Variants in AHRR observed in about 807,000 individuals in gnomAD.
AHRR encodes ahR repressor.
Under a neutral mutation model 44.0 loss-of-function variants are expected in AHRR, and 28 were observed. The observed-to-expected ratio is 0.64, with a 90% CI of 0.47 to 0.87. The LOEUF (loss-of-function observed/expected upper bound fraction) is 0.87. AHRR is among the 40% of genes least tolerant of loss of function. The pLI, the probability that AHRR is intolerant of heterozygous loss-of-function variation, is 0.00. For missense variants in AHRR, 990 were observed against 953.9 expected, an observed-to-expected ratio of 1.04 and a Z score of -0.50; for synonymous variants, 434 against 407.0, an observed-to-expected ratio of 1.07 and a Z score of -0.80.
intron 7 of AHRR, among the ~76,000 whole-genome samples, chr5:426,802 A>G (rs1313445610): frequency 1.4e-5 from 2 of 146,454 alleles, no homozygotes; most frequent in Non-Finnish European, 3.0e-5. Flanking sequence ...AGATGGATGG[A>G]TGGATGGATA....
At chr5:362,994 C>T (rs1341150213) in intron 3 of AHRR, among the ~76,000 whole-genome samples, 1 of 152,254 alleles carries the variant, frequency 6.6e-6, no homozygotes, top group African/African-American at 2.4e-5. Context: ...CTAGGTAATT[C>T]AGTGTCTTCC....
intron 1 of AHRR, among the ~76,000 whole-genome samples, chr5:341,485 TTCCCC>T (rs376214734): frequency 5.4e-4 from 75 of 138,222 alleles, no homozygotes; most frequent in Non-Finnish European, 9.7e-4. Context: ...ATCACTTTCC[TTCCCC>T]TCCCCTCCCC....
rs930706263 is a variant in AHRR at position 337,659 on chromosome 5, C to G, written c.-10-6234C>G. ...TAATGTTAGGAAGTCTAGATAGCAA[C>G]AGTGATGCAGCTATGGAGGGGAGAG... On this transcript the variant is annotated intron_variant, in intron 1 of 10. Coordinates refer to ENST00000684583, the MANE Select transcript of AHRR (RefSeq NM_001377236.1). The surrounding 1 kb of genome is among the most constrained non-coding windows in gnomAD (Gnocchi z 4.1). Among the ~76,000 whole-genome samples, 1 of 152,114 alleles carries G rather than the reference C, an allele frequency of 6.6e-6. No homozygotes were observed. The highest frequency in any genetic ancestry group is 1.5e-5 in the Non-Finnish European group (1 of 68,012).
rs539120226 is a variant in AHRR, at chr5:428,134, TA to T, written c.908+132del. 259 of 1,094,864 alleles carry T rather than the reference TA, an allele frequency of 2.4e-4. No homozygotes were observed. In the African/African-American group the frequency reaches 3.9e-3, roughly 16 times the overall value. The allele number at this position is 1,094,864 out of a possible 1,614,324, so 67.8% of individuals were successfully genotyped here. A position where few individuals can be genotyped will look rare whatever the true frequency, so the allele number is the denominator to read the frequency against. Reference sequence around the variant, plus strand: ...CCAGTAATAAGTCAGTTTCGTGTCGTAAAAGTCATTACACAACATAGGCAGC... The same window carrying T: ...CCAGTAATAAGTCAGTTTCGTGTCGTAAAGTCATTACACAACATAGGCAGC... On this transcript the variant is annotated intron_variant, in intron 8 of 10. Transcript: ENST00000684583.
At chr5:355,228 T>C (rs531012824) in intron 3 of AHRR, among the ~76,000 whole-genome samples, 215 of 152,288 alleles carry the variant, frequency 1.4e-3, no homozygotes, top group African/African-American at 5.0e-3. Context: ...ATGGCAGCTT[T>C]TCCAGGAGGG....
intron 1 of AHRR, among the ~76,000 whole-genome samples, chr5:335,204 G>A (rs968637822): frequency 3.3e-5 from 5 of 152,196 alleles, no homozygotes; most frequent in African/African-American, 1.2e-4. Context: ...GCTAGTTGTA[G>A]TAGCAGTGTA....
chr5:389,524 G>A lies in AHRR; in HGVS notation c.351+12808G>A, dbSNP rs1052231290. ...GTGCTTCAGATGCTGCTGAACAGTC[G>A]AGGAGCCCTTAGCCACCCAGGTCCC... On this transcript the variant is annotated intron_variant, in intron 4 of 10. Coordinates refer to ENST00000684583, the MANE Select transcript of AHRR (RefSeq NM_001377236.1). Among the ~76,000 whole-genome samples the A allele has an allele frequency of 2.6e-5, 4 of 152,128 alleles. No individual in the cohort carries two copies. The East Asian group carries it at 5.8e-4, about 22-fold the overall frequency.
chr5:415,614 C>CCGAATCTCCCTGGTCTGCT (rs1735745120), intron 5 of AHRR, among the ~76,000 whole-genome samples: 59 of 66,360 alleles, frequency 8.9e-4, no homozygotes, highest in Non-Finnish European at 1.4e-3. Context: ...CCTGGTGGGG[C>CCGAATCTCCCTGGTCTGCT]GGGAGGCCTA....
chr5:333,786 C>T (rs1301876180), intron 1 of AHRR, among the ~76,000 whole-genome samples: 1 of 152,080 alleles, frequency 6.6e-6, no homozygotes, highest in African/African-American at 2.4e-5. Context: ...CATTTGATTC[C>T]TTTCTCTTCG....
At chr5:345,255 T>G (rs1274024353) in intron 2 of AHRR, among the ~76,000 whole-genome samples, 6 of 120,136 alleles carry the variant, frequency 5.0e-5, no homozygotes, top group African/African-American at 2.4e-4. Context: ...GATGTGTGTG[T>G]GGGGAGAGGG....
At position 422,824 on chromosome 5, in the gene AHRR, G is replaced by T. The variant is rs778812527; in HGVS notation, c.537G>T (p.Gln179His). 2 of 1,613,944 alleles carry T rather than the reference G, an allele frequency of 1.2e-6. No individual in the cohort carries two copies. Among genetic ancestry groups the T allele is most frequent in the Non-Finnish European group, 1.7e-6 (2 of 1,179,960 alleles). Residue 179 changes from glutamine (Q) to histidine (H), a missense_variant, in exon 6 of 11, where the codon CAG becomes CAT. Coordinates refer to ENST00000684583, the MANE Select transcript of AHRR (RefSeq NM_001377236.1). ...TCCACTGGGCCATGGACCCTCCCCA[G>T]GTGGTGTTTGGGCAGCCCCCGCCCT... ...RQLHWAMDPPQVVFGQPPPLE... is the reference protein window; with the variant it reads ...RQLHWAMDPPHVVFGQPPPLE...
chr5:339,069 TTAGTTA>T, intron 1 of AHRR, among the ~76,000 whole-genome samples: 1 of 152,198 alleles, frequency 6.6e-6, no homozygotes, highest in Non-Finnish European at 1.5e-5. Flanking sequence ...GTCTCAGTAA[TTAGTTA>T]TAGGTAATTG....
chr5:349,762 T>G (rs907424785), intron 2 of AHRR, among the ~76,000 whole-genome samples: 3 of 152,230 alleles, frequency 2.0e-5, no homozygotes, highest in Non-Finnish European at 4.4e-5. Flanking sequence ...TTGAAGTCTA[T>G]ACTCCTTTTT....
Position 370,614 on chromosome 5 carries a change from AG to A in AHRR, c.245-5992del, listed in dbSNP as rs1173136932. ...CAGCCCCCAGGAAGATGCAGGTGACAGGGGTGGGGTGGACAGCCCATGGGAA... is the reference window on the plus strand; with the variant it reads ...CAGCCCCCAGGAAGATGCAGGTGACAGGGTGGGGTGGACAGCCCATGGGAA... On this transcript the variant is annotated intron_variant, in intron 3 of 10. Transcript: ENST00000684583. This position sits in a 1 kb window ranked among gnomAD's most constrained non-coding sequence, Gnocchi z 4.5. Among the ~76,000 whole-genome samples the A allele has an allele frequency of 6.6e-6, 1 of 151,810 alleles. No individual in the cohort carries two copies. The highest frequency in any genetic ancestry group is 1.5e-5 in the Non-Finnish European group (1 of 67,948).
At chr5:373,023 T>G (rs1284249206) in intron 3 of AHRR, among the ~76,000 whole-genome samples, 1 of 152,186 alleles carries the variant, frequency 6.6e-6, no homozygotes, top group Non-Finnish European at 1.5e-5. Context: ...GGTGCTGACT[T>G]CACATTCTCG....
At chr5:423,289 A>C (rs1437727312) in intron 6 of AHRR, among the ~76,000 whole-genome samples, 2 of 152,180 alleles carry the variant, frequency 1.3e-5, no homozygotes, top group Non-Finnish European at 2.9e-5. Context: ...CTTTTCACAG[A>C]AGACCCCTGC....
chr5:380,329 A>G (rs538730853), intron 4 of AHRR, among the ~76,000 whole-genome samples: 6 of 152,144 alleles, frequency 3.9e-5, no homozygotes, highest in African/African-American at 1.4e-4. Context: ...TTTTCCATAT[A>G]AATTTTAGAA....
chr5:374,678 T>A (rs1227323703), intron 3 of AHRR, among the ~76,000 whole-genome samples: 2 of 152,068 alleles, frequency 1.3e-5, no homozygotes, highest in Admixed American at 6.5e-5. Context: ...AGAGGCCGAG[T>A]CCCAAGGCCA....
At chr5:410,007 G>A (rs1735409300) in intron 4 of AHRR, among the ~76,000 whole-genome samples, 1 of 152,152 alleles carries the variant, frequency 6.6e-6, no homozygotes, top group Non-Finnish European at 1.5e-5. Flanking sequence ...TCCCAGCCAC[G>A]CTGTTTCAGA....
Sources: gnomAD v4.1 joint callset for allele counts (sites outside exome capture counted in the v4.1 genomes callset) on GRCh38, gnomAD v4.1.1 for gene constraint, Gnocchi (gnomAD v3.1) non-coding constraint, MANE v1.5 for transcripts, NCBI Gene and HGNC (gene_info 2026-07-23, HGNC 2026-07-21) for gene names.